Variants in EVL observed in about 807,000 individuals in gnomAD.
EVL encodes the protein ena/VASP-like protein.
A neutral mutation model predicts 59.6 loss-of-function variants in EVL; 21 were observed. The observed-to-expected ratio is 0.35, with a 90% CI of 0.25 to 0.51. EVL has a LOEUF of 0.51. Among genes scored for constraint, EVL ranks in the 20% least tolerant of loss-of-function variants. The pLI is 0.97. For synonymous variants in EVL, 198 were observed against 203.5 expected (o/e 0.97, Z 0.23); for missense variants, 462 against 546.6 (o/e 0.85, Z 1.54).
chr14:99,974,837 A>T (rs1357833085), intron 1 of EVL: 2 of 152,372 alleles, frequency 1.3e-5, no homozygotes, highest in African/African-American at 4.8e-5. Flanking sequence ...AATCTGGACC[A>T]CTGGCCAGTG....
intron 9 of EVL, among the ~76,000 whole-genome samples, chr14:100,136,661 G>A (rs1279139773): frequency 6.6e-6 from 1 of 152,102 alleles, no homozygotes; most frequent in East Asian, 1.9e-4. Flanking sequence ...TGTGTCTCTG[G>A]GGCATGCTCA....
chr14:100,038,717 A>G (rs998693260), intron 1 of EVL, among the ~76,000 whole-genome samples: 1 of 151,158 alleles, frequency 6.6e-6, no homozygotes. Flanking sequence ...TTGGGTGGGT[A>G]GCTGTCAGAG....
intron 8 of EVL, among the ~76,000 whole-genome samples, chr14:100,134,466 A>G (rs10148930): frequency 0.66 from 100,024 of 152,016 alleles, 33,772 homozygotes; most frequent in African/African-American, 0.81. Flanking sequence ...CTTGTTTTTC[A>G]CAGGCCCCTG....
intron 1 of EVL, among the ~76,000 whole-genome samples, chr14:99,995,071 C>T (rs1379347222): frequency 6.6e-6 from 1 of 152,148 alleles, no homozygotes; most frequent in African/African-American, 2.4e-5. Context: ...TTGCTGCTTT[C>T]AGGATTCTCT....
intron 1 of EVL, among the ~76,000 whole-genome samples, chr14:100,072,263 C>T (rs1191837776): frequency 6.6e-6 from 1 of 152,176 alleles, no homozygotes; most frequent in East Asian, 1.9e-4. Flanking sequence ...CTCCCTCTGT[C>T]GCTCAGGCTG....
Position 100,128,547 on chromosome 14 carries a change from A to T in EVL, c.516A>T (p.Ser172=). ...TGPILPPGHP[S]SAASAPVSCS... is the part of the protein sequence containing the mutation. ...CCATCCTCCCACCAGGACATCCTTC[A>T]TCTGCAGCCAGCGCCCCCGTCTCAT... is the stretch of plus-strand genomic sequence containing the variant. Residue 172 remains serine (S), a synonymous_variant, in exon 6 of 14, where the codon TCA becomes TCT. Transcript: ENST00000392920. 1 of 1,611,208 alleles carries T rather than the reference A, an allele frequency of 6.2e-7. No homozygotes were observed. Among genetic ancestry groups the T allele is most frequent in the Non-Finnish European group, 8.5e-7 (1 of 1,179,724 alleles).
chr14:100,121,713 G>A (rs1887710960), intron 3 of EVL, among the ~76,000 whole-genome samples: 1 of 152,186 alleles, frequency 6.6e-6, no homozygotes, highest in African/African-American at 2.4e-5. Flanking sequence ...CAGGCAAAAT[G>A]GGGAATCCAA....
At position 99,972,812 on chromosome 14, in the gene EVL, T is replaced by TC. The variant is rs1266364150; in HGVS notation, c.5+757dup. Among the ~76,000 whole-genome samples the TC allele has an allele frequency of 1.3e-5, 2 of 151,926 alleles. No individual in the cohort carries two copies. Among genetic ancestry groups the TC allele is most frequent in the Non-Finnish European group, 2.9e-5 (2 of 68,000 alleles). On this transcript the variant is annotated intron_variant, in intron 1 of 13. Transcript: ENST00000402714. The surrounding 1 kb of genome is among the most constrained non-coding windows in gnomAD (Gnocchi z 4.4). ...TTTTGGGGTAATCACTTTTTTTTTT[T>TC]CCATTTGTAATTTTGCTTTCTGAAC... is the stretch of plus-strand genomic sequence containing the variant.
chr14:100,045,727 C>T (rs1384673671), intron 1 of EVL, among the ~76,000 whole-genome samples: 1 of 152,144 alleles, frequency 6.6e-6, no homozygotes, highest in Non-Finnish European at 1.5e-5. Flanking sequence ...TTTTTAATCT[C>T]TGTCCTGCCC....
At position 100,138,019 on chromosome 14, in the gene EVL, A is replaced by G. The variant is rs1028686469; in HGVS notation, c.1094+217A>G. ...GAGAGAGACCAAGGGCAAGGAGGGC[A>G]GTGACCTGTCCACAGAGGTAGTGCA... is the stretch of plus-strand genomic sequence containing the variant. On this transcript the variant is annotated intron_variant, in intron 11 of 13. Transcript: ENST00000392920. 15 of 604,072 alleles carry G rather than the reference A, an allele frequency of 2.5e-5. 1 individual carries two copies. The highest frequency in any genetic ancestry group is 4.4e-4 in the Middle Eastern group (1 of 2,284). The allele number at this position is 604,072 out of a possible 1,614,324, so 37.4% of individuals were successfully genotyped here.
intron 1 of EVL, 50 bp from the exon 2 acceptor site, chr14:100,084,637 C>T (rs2062396739): frequency 6.3e-7 from 1 of 1,591,420 alleles, no homozygotes; most frequent in East Asian, 2.2e-5. Context: ...GCAAAGTCAA[C>T]TTCCATCCAC....
upstream of EVL, among the ~76,000 whole-genome samples, chr14:100,062,291 T>C (rs1566991405): frequency 6.6e-6 from 1 of 151,850 alleles, no homozygotes; most frequent in Non-Finnish European, 1.5e-5. Context: ...ATATGACAGC[T>C]ACACCATAAA....
chr14:100,061,787 GA>G (rs2061839233), upstream of EVL, among the ~76,000 whole-genome samples: 1 of 152,074 alleles, frequency 6.6e-6, no homozygotes, highest in Admixed American at 6.6e-5. Flanking sequence ...TTAAGCTAGA[GA>G]AAAAATTTTA....
At chr14:100,019,552 G>A (rs2061084668) in intron 1 of EVL, 7 of 909,350 alleles carry the variant, frequency 7.7e-6, no homozygotes, top group Non-Finnish European at 1.1e-5. Flanking sequence ...ATTGGGGGGT[G>A]TGGAAACCCC....
intron 1 of EVL, among the ~76,000 whole-genome samples, chr14:100,055,451 T>C: frequency 6.6e-6 from 1 of 152,208 alleles, no homozygotes; most frequent in East Asian, 1.9e-4. Context: ...TTTGCTAGAA[T>C]ATATACAGTA....
At chr14:100,028,130 G>GTTTTTTTTTT (rs756735010) in intron 1 of EVL, among the ~76,000 whole-genome samples, 23 of 99,594 alleles carry the variant, frequency 2.3e-4, no homozygotes, top group African/African-American at 1.0e-3. Flanking sequence ...TTTTTTGTTT[G>GTTTTTTTTTT]TTTGTTTTTT....
chr14:100,016,077 T>C (rs80233082), intron 1 of EVL, among the ~76,000 whole-genome samples: 4,576 of 120,788 alleles, frequency 0.038, 207 homozygotes, highest in East Asian at 0.19. Context: ...AGACTCTGTC[T>C]CAAAAAAAAA....
chr14:100,105,726 G>C (rs939829471), intron 3 of EVL, among the ~76,000 whole-genome samples: 4 of 151,998 alleles, frequency 2.6e-5, no homozygotes, highest in Non-Finnish European at 4.4e-5. Flanking sequence ...GAGAGTCCAA[G>C]GGGACGATGG....
intron 1 of EVL, among the ~76,000 whole-genome samples, chr14:100,055,415 A>G (rs547211498): frequency 3.9e-5 from 6 of 152,310 alleles, no homozygotes; most frequent in East Asian, 1.9e-4. Context: ...ATACCCTGCT[A>G]TTTATTCCTA....
Sources: gnomAD v4.1 joint callset for allele counts (sites outside exome capture counted in the v4.1 genomes callset) on GRCh38, gnomAD v4.1.1 for gene constraint, Gnocchi (gnomAD v3.1) non-coding constraint, MANE v1.5 for transcripts, NCBI Gene and HGNC (gene_info 2026-07-23, HGNC 2026-07-21) for gene names.